BTD: variants seen among roughly 807,000 people sequenced by gnomAD.
BTD encodes the protein biocytinase.
BTD carries 13 observed loss-of-function variants against 17.7 expected under a neutral mutation model. The ratio of observed to expected loss-of-function variants is 0.74; its 90% CI spans 0.48 to 1.17. The LOEUF is 1.17. BTD is among the 50% of genes most tolerant of loss of function. BTD has a pLI of 0.00. For missense variants in BTD, 674 were observed against 650.4 expected, an observed-to-expected ratio of 1.04 and a Z score of -0.39; for synonymous variants, 240 against 245.2, an observed-to-expected ratio of 0.98 and a Z score of 0.20.
At chr3:15,717,832 C>T (rs2073252461) in intron 4 of BTD, among the ~76,000 whole-genome samples, 1 of 152,198 alleles carries the variant, frequency 6.6e-6, no homozygotes, top group African/African-American at 2.4e-5. Flanking sequence ...ACCTCTACCA[C>T]TTTGCAGGAA....
chr3:15,698,450 GTC>G (rs2070018327), intron 3 of BTD, among the ~76,000 whole-genome samples: 1 of 152,174 alleles, frequency 6.6e-6, no homozygotes, highest in Admixed American at 6.5e-5. Flanking sequence ...AAGTCAAATT[GTC>G]TCTGTTTGCA....
intron 3 of BTD, among the ~76,000 whole-genome samples, chr3:15,703,898 G>C (rs1314950691): frequency 2.0e-5 from 3 of 152,288 alleles, no homozygotes; most frequent in Middle Eastern, 6.8e-3. Context: ...GATTAAGGCT[G>C]TGAGGGACAT....
rs1553654178 is a variant in BTD at position 15,645,309 on chromosome 3, CACCTGTGGGGCAACTTCAGT to C, written c.1396_1415del (p.Leu466PhefsTer18). The C allele has an allele frequency of 6.2e-7, 1 of 1,614,098 alleles. No homozygotes were observed. The highest frequency in any genetic ancestry group is 8.5e-7 in the Non-Finnish European group (1 of 1,180,046). On this transcript the variant is annotated frameshift_variant, in exon 4 of 4. Transcript: ENST00000643237. LOFTEE classifies it high-confidence loss of function. Reference sequence around the variant, plus strand: ...AGAGGCCACGGGGATATTTGAGTTTCACCTGTGGGGCAACTTCAGTACTTCCTATATCTTTCCTTTGTTTC... The same window carrying C: ...AGAGGCCACGGGGATATTTGAGTTTCACTTCCTATATCTTTCCTTTGTTTC...
chr3:15,715,822 G>A (rs2072939458), downstream of BTD, among the ~76,000 whole-genome samples: 1 of 151,732 alleles, frequency 6.6e-6, no homozygotes, highest in South Asian at 2.1e-4. Flanking sequence ...TGCTTCTCAG[G>A]ATATATTTGT....
chr3:15,610,428 G>A (rs946400222), intron 1 of BTD, among the ~76,000 whole-genome samples: 1 of 152,136 alleles, frequency 6.6e-6, no homozygotes, highest in Non-Finnish European at 1.5e-5. Context: ...AAAGGCATTC[G>A]AGTTACATGA....
At chr3:15,713,447 C>G, downstream of BTD, 3 of 1,053,600 alleles carry the variant, frequency 2.8e-6, no homozygotes, top group Non-Finnish European at 4.2e-6. Flanking sequence ...CACATTTCCA[C>G]GTGAAATGTC....
At chr3:15,692,654 T>C (rs2068961629) in intron 3 of BTD, among the ~76,000 whole-genome samples, 1 of 152,184 alleles carries the variant, frequency 6.6e-6, no homozygotes, top group Admixed American at 6.5e-5. Flanking sequence ...TGTACCAAGT[T>C]GTCCCGAATG....
chr3:15,679,849 A>G (rs756502851), intron 3 of BTD, among the ~76,000 whole-genome samples: 14 of 148,250 alleles, frequency 9.4e-5, no homozygotes, highest in South Asian at 2.2e-4. Flanking sequence ...TATTTGGGGG[A>G]AAAAAAAAAC....
chr3:15,674,543 C>A lies in BTD; in HGVS notation c.399+32486C>A, dbSNP rs368662395. 5.3e-5 allele frequency among the ~76,000 whole-genome samples: 8 copies of A among 152,204 alleles called. No homozygotes were observed. The East Asian group carries it at 1.3e-3, about 26-fold the overall frequency. On this transcript the variant is annotated intron_variant, in intron 3 of 3. Transcript: ENST00000672141. ...TTATCAGACATCCACATGGATGTGT[C>A]AATTAGGCACGTGGATATATAGAGA...
chr3:15,694,481 G>T (rs1022319342), intron 3 of BTD, among the ~76,000 whole-genome samples: 2 of 150,420 alleles, frequency 1.3e-5, no homozygotes, highest in Admixed American at 6.6e-5. Context: ...TCTCTCCCCA[G>T]AAGGCCCTGG....
chr3:15,667,289 T>G (rs1196873403), intron 3 of BTD: 3 of 152,164 alleles, frequency 2.0e-5, no homozygotes, highest in African/African-American at 7.2e-5. Context: ...TAAGCCAAAT[T>G]AACCCCAAAA....
At chr3:15,641,150 A>G (rs1020740719) in intron 2 of BTD, among the ~76,000 whole-genome samples, 1 of 152,218 alleles carries the variant, frequency 6.6e-6, no homozygotes, top group African/African-American at 2.4e-5. Flanking sequence ...GTTCCGGGCC[A>G]TCACAGCCAG....
chr3:15,659,044 C>T (rs73817044), intron 3 of BTD, among the ~76,000 whole-genome samples: 4,321 of 152,248 alleles, frequency 0.028, 190 homozygotes, highest in African/African-American at 0.097. Flanking sequence ...TTGTAAACTC[C>T]ATTAGGCCTG....
chr3:15,660,868 T>A (rs2125540843), intron 3 of BTD, among the ~76,000 whole-genome samples: 1 of 152,096 alleles, frequency 6.6e-6, no homozygotes, highest in African/African-American at 2.4e-5. Context: ...TTCCCAGGAG[T>A]AGGATTGCTG....
chr3:15,626,382 C>G (rs2065065907), intron 1 of BTD, among the ~76,000 whole-genome samples: 1 of 152,156 alleles, frequency 6.6e-6, no homozygotes, highest in African/African-American at 2.4e-5. Context: ...AGGAATGTTG[C>G]ACCTACAACT....
chr3:15,649,042 TC>T lies in BTD; in HGVS notation c.*3556del, dbSNP rs1205656949. 1.3e-5 allele frequency among the ~76,000 whole-genome samples: 2 copies of T among 152,342 alleles called. No homozygotes were observed. Among genetic ancestry groups the T allele is most frequent in the Admixed American group, 1.3e-4 (2 of 15,304 alleles). On this transcript the variant is annotated 3_prime_UTR_variant, in exon 4 of 4. Transcript: ENST00000643237. ...ACACCTTGATTTTGGATTTCCAGCT[TC>T]CACAACTATGAGACAATAAGTTTCT...
In BTD at chr3:15,635,491, G is replaced by C; in HGVS notation, c.52G>C (p.Val18Leu). ...TCTTTTCCTCTGCGGCTGTTACGTG[G>C]TTGCCCTGGGAGCCCACACCGGGGA... ...LALFLCGCYV[V>L]ALGAHTGEES... Residue 18 changes from valine (V) to leucine (L), a missense_variant, in exon 2 of 4, where the codon GTT (valine) becomes CTT (leucine). Physicochemically the swap from Val to Leu is conservative, Grantham distance 32 (BLOSUM62 1). Coordinates refer to ENST00000643237, the MANE Select transcript of BTD (RefSeq NM_001370658.1). This position sits in a 1 kb window ranked among gnomAD's most constrained non-coding sequence, Gnocchi z 4.1. 3 of 1,614,178 alleles carry C rather than the reference G, an allele frequency of 1.9e-6. No homozygotes were observed. Among genetic ancestry groups the C allele is most frequent in the Non-Finnish European group, 2.5e-6 (3 of 1,180,028 alleles).
intron 3 of BTD, chr3:15,670,696 T>C: frequency 1.1e-6 from 1 of 881,296 alleles, no homozygotes; most frequent in Non-Finnish European, 1.7e-6. Flanking sequence ...ACCAGCATGA[T>C]TCGCAAGTTT....
intron 3 of BTD, among the ~76,000 whole-genome samples, chr3:15,706,098 T>A (rs1028466514): frequency 2.0e-5 from 3 of 152,162 alleles, no homozygotes. Flanking sequence ...TGAAATCTTT[T>A]TTTTATTGTT....
Sources: allele counts gnomAD v4.1 joint callset (sites outside exome capture counted in the v4.1 genomes callset), GRCh38; gene constraint gnomAD v4.1.1; non-coding constraint Gnocchi (gnomAD v3.1); transcripts MANE v1.5; gene names NCBI Gene and HGNC (gene_info 2026-07-23, HGNC 2026-07-21).